The following CLASP2 variants were observed in gnomAD, a reference collection of about 807,000 sequenced individuals.
CLASP2 encodes the protein cytoplasmic linker associated protein 2.
Under a neutral mutation model 194.4 loss-of-function variants are expected in CLASP2, and 47 were observed. The ratio of observed to expected loss-of-function variants is 0.24; its 90% CI spans 0.19 to 0.31. The LOEUF (loss-of-function observed/expected upper bound fraction) is 0.31, where lower values mean the gene tolerates loss of function less well. CLASP2 is among the 10% of genes least tolerant of loss of function. The probability of loss-of-function intolerance (pLI) is 1.00; values close to 1 mark genes in which losing one functional copy is unlikely to be tolerated. For missense variants in CLASP2, 1,445 were observed against 1,823.6 expected (o/e 0.79, Z 3.78); for synonymous variants, 619 against 633.5 (o/e 0.98, Z 0.34).
intron 1 of CLASP2, among the ~76,000 whole-genome samples, chr3:33,713,036 A>AT (rs1418158075): frequency 6.7e-6 from 1 of 149,364 alleles, no homozygotes; most frequent in Non-Finnish European, 1.5e-5. Flanking sequence ...AAAAAAAAAA[A>AT]AAAGAAAGTG....
chr3:33,643,767 G>A (rs906350004), intron 8 of CLASP2, among the ~76,000 whole-genome samples: 9 of 151,900 alleles, frequency 5.9e-5, no homozygotes, highest in Non-Finnish European at 1.2e-4. Context: ...GGGTTGTATA[G>A]AAAGATCAAG....
At position 33,645,105 on chromosome 3, in the gene CLASP2, A is replaced by T. The variant is rs572821449; in HGVS notation, c.716-202T>A. The T allele has an allele frequency of 7.4e-5, 49 of 663,410 alleles. No individual in the cohort carries two copies. The East Asian group carries it at 1.3e-3, about 18-fold the overall frequency. The allele number at this position is 663,410 out of a possible 1,614,324, so 41.1% of individuals were successfully genotyped here. A position where few individuals can be genotyped will look rare whatever the true frequency, so the allele number is the denominator to read the frequency against. On this transcript the variant is annotated intron_variant, in intron 7 of 38. Transcript: ENST00000682230. ...CCTCTGTAATTCAAAATCAAAATGCAGTATTTTCATACTTCTTACTTATAC... is the reference window on the plus strand; with the variant it reads ...CCTCTGTAATTCAAAATCAAAATGCTGTATTTTCATACTTCTTACTTATAC...
At chr3:33,668,366 C>T (rs1457171395) in intron 6 of CLASP2, among the ~76,000 whole-genome samples, 2 of 152,158 alleles carry the variant, frequency 1.3e-5, no homozygotes, top group Admixed American at 6.5e-5. Flanking sequence ...CTATATCCAA[C>T]AGAAAATTTG....
At chr3:33,628,889 A>C (rs1220919033) in intron 9 of CLASP2, among the ~76,000 whole-genome samples, 3 of 152,100 alleles carry the variant, frequency 2.0e-5, no homozygotes, top group African/African-American at 7.2e-5. Flanking sequence ...AAAGAGACAG[A>C]GATGAAGTGG....
chr3:33,634,281 T>C lies in CLASP2; in HGVS notation c.863-1910A>G, dbSNP rs192845070. On this transcript the variant is annotated intron_variant, in intron 8 of 38. Transcript: ENST00000682230. ...TTTTAGACAAGTGGAAAAAATTAGA[T>C]GCGCATTTTAATGAATAAAACAAAA... Among the ~76,000 whole-genome samples, 3 of 152,290 alleles carry C rather than the reference T, an allele frequency of 2.0e-5. No individual in the cohort carries two copies. The East Asian group carries it at 5.8e-4, about 29-fold the overall frequency.
At chr3:33,663,537 GGTTT>G (rs766933451) in intron 6 of CLASP2, 22 bp from the exon 7 acceptor site, 11 of 1,542,842 alleles carry the variant, frequency 7.1e-6, no homozygotes, top group South Asian at 2.3e-5. Flanking sequence ...GAATAAATTG[GGTTT>G]GTTTGATTTT....
At chr3:33,566,850 G>A in intron 26 of CLASP2, 116 bp from the exon 27 acceptor site, 2 of 340,750 alleles carry the variant, frequency 5.9e-6, no homozygotes, top group South Asian at 2.3e-5. Context: ...AAAACACTCA[G>A]AAAATAATAG....
chr3:33,709,495 G>A (rs2092895914), intron 1 of CLASP2, among the ~76,000 whole-genome samples: 1 of 152,092 alleles, frequency 6.6e-6, no homozygotes, highest in Non-Finnish European at 1.5e-5. Context: ...CTTATAAGGA[G>A]GAGGCCAAAA....
rs546968920 is a variant in CLASP2, at chr3:33,497,460, T to G, written c.*1171A>C. ...GTAGCAAGAGGTGATTAAAAAAATT[T>G]GCTAAAAAGTAACAGAAAATCACCC... On this transcript the variant is annotated 3_prime_UTR_variant, in exon 39 of 39. Transcript: ENST00000682230. The G allele has an allele frequency of 6.5e-6, 1 of 152,714 alleles. No homozygotes were observed. The highest frequency in any genetic ancestry group is 2.4e-5 in the African/African-American group (1 of 41,562). The allele number at this position is 152,714 out of a possible 1,614,324, so 9.5% of individuals were successfully genotyped here. A position where few individuals can be genotyped will look rare whatever the true frequency, so the allele number is the denominator to read the frequency against.
chr3:33,707,102 A>C (rs536208477), intron 1 of CLASP2, among the ~76,000 whole-genome samples: 1 of 152,322 alleles, frequency 6.6e-6, no homozygotes, highest in East Asian at 1.9e-4. Context: ...CTTCCCATGA[A>C]AAAAAGATCA....
intron 27 of CLASP2, among the ~76,000 whole-genome samples, chr3:33,565,965 C>T (rs114321783): frequency 1.5e-4 from 23 of 152,192 alleles, no homozygotes; most frequent in Non-Finnish European, 3.1e-4. Flanking sequence ...TTCTATTGCA[C>T]AGGCGTCTGT....
Position 33,544,738 on chromosome 3 carries a change from A to G in CLASP2, c.3257T>C (p.Leu1086Pro). Residue 1086 changes from leucine (L) to proline (P), a missense_variant, in exon 31 of 39, where the codon CTT becomes CCT. Leu to Pro is a moderately conservative substitution (Grantham distance 98). This residue lies in a region of CLASP2 where 732 missense variants were observed against 987.9 expected (regional missense o/e 0.74). Transcript: ENST00000682230. Reference protein sequence around the residue: ...PKTFQDGATKLLHNHLRNTGN... With the variant: ...PKTFQDGATKPLHNHLRNTGN... ...AGTGTTTCGAAGGTGATTATGAAGA[A>G]GCTTGGTAGCACCATCCTGAAAAGT... is the stretch of plus-strand genomic sequence containing the variant. 6.2e-7 allele frequency: 1 copy of G among 1,613,456 alleles called. No individual in the cohort carries two copies.
chr3:33,662,992 G>A (rs1289735148), intron 7 of CLASP2, among the ~76,000 whole-genome samples: 1 of 151,984 alleles, frequency 6.6e-6, no homozygotes, highest in Non-Finnish European at 1.5e-5. Flanking sequence ...TCCTGTGTAT[G>A]AGTCTCTTGA....
intron 8 of CLASP2, chr3:33,644,316 A>C (rs1470801892): frequency 6.0e-6 from 1 of 167,318 alleles, no homozygotes; most frequent in African/African-American, 2.4e-5. Context: ...TTCAGTACCC[A>C]GTATCTTCAA....
At chr3:33,648,485 T>C (rs1201273876) in intron 7 of CLASP2, among the ~76,000 whole-genome samples, 1 of 151,968 alleles carries the variant, frequency 6.6e-6, no homozygotes, top group Non-Finnish European at 1.5e-5. Context: ...GCTTCATATA[T>C]ATAAAACAAA....
chr3:33,658,983 T>C (rs757571044), intron 7 of CLASP2: 12 of 1,535,440 alleles, frequency 7.8e-6, no homozygotes, highest in South Asian at 2.4e-5. Context: ...CCATCTCCCA[T>C]AGCCATTAGA....
At chr3:33,553,161 G>A (rs1047529634) in intron 29 of CLASP2, among the ~76,000 whole-genome samples, 9 of 152,028 alleles carry the variant, frequency 5.9e-5, no homozygotes, top group East Asian at 3.9e-4. Context: ...TAAGGTCTCC[G>A]GGAAGTGCCA....
In CLASP2 at chr3:33,710,660, C is replaced by T. The variant is rs144822812; in HGVS notation, c.195+7148G>A. ...TTAAATTACCGAGGAGTTGGCCAGGCGCGGTGGCTAACGCCTGTAATCCCA... is the reference window on the plus strand; with the variant it reads ...TTAAATTACCGAGGAGTTGGCCAGGTGCGGTGGCTAACGCCTGTAATCCCA... On this transcript the variant is annotated intron_variant, in intron 1 of 38. Transcript: ENST00000682230. 7.2e-5 allele frequency among the ~76,000 whole-genome samples: 11 copies of T among 152,294 alleles called. No individual in the cohort carries two copies. In the East Asian group the frequency reaches 1.7e-3, roughly 24 times the overall value.
At chr3:33,557,522 C>T (rs2061172532) in intron 29 of CLASP2, among the ~76,000 whole-genome samples, 1 of 152,074 alleles carries the variant, frequency 6.6e-6, no homozygotes, top group South Asian at 2.1e-4. Context: ...TAGGCATGAA[C>T]TACCACACCT....
Sources: allele counts gnomAD v4.1 joint callset (sites outside exome capture counted in the v4.1 genomes callset), GRCh38; gene constraint gnomAD v4.1.1; regional missense constraint gnomAD v4.1.1; transcripts MANE v1.5; gene names NCBI Gene and HGNC (gene_info 2026-07-23, HGNC 2026-07-21).